The following RNF14 variants were observed in gnomAD, a reference collection of about 807,000 sequenced individuals.
RNF14 encodes the protein ring finger protein 14.
Under a neutral mutation model 52.6 loss-of-function variants are expected in RNF14, and 26 were observed. The ratio of observed to expected loss-of-function variants is 0.49; its 90% confidence interval spans 0.36 to 0.69. RNF14 has a LOEUF of 0.69. RNF14 is among the 30% of genes least tolerant of loss of function. The pLI is 0.00. For missense variants in RNF14, 404 were observed against 560.4 expected (o/e 0.72, Z 2.82); for synonymous variants, 194 against 202.0 (o/e 0.96, Z 0.34).
intron 2 of RNF14, among the ~76,000 whole-genome samples, chr5:141,971,569 TTCTTTCTTTCTTTCTTTC>T (rs770315037): frequency 2.4e-4 from 1 of 4,170 alleles, no homozygotes; most frequent in African/African-American, 1.4e-3. Context: ...TTCTTTTTCT[TTCTTTCTTTCTTTCTTTC>T]TTTCTTTCTT....
chr5:141,965,724 C>T (rs1234293621), upstream of RNF14, among the ~76,000 whole-genome samples: 2 of 151,954 alleles, frequency 1.3e-5, no homozygotes, highest in East Asian at 3.9e-4. Flanking sequence ...AACCAAATAC[C>T]ACATATTCTC....
chr5:141,978,596 A>G lies in RNF14; in HGVS notation c.600A>G (p.Glu200=). The G allele has an allele frequency of 6.2e-7, 1 of 1,614,048 alleles. No homozygotes were observed. The highest frequency in any genetic ancestry group is 8.5e-7 in the Non-Finnish European group (1 of 1,179,922). Residue 200 remains glutamate (E), a synonymous_variant, in exon 5 of 9, where the codon GAA becomes GAG. Coordinates refer to ENST00000394520, the MANE Select transcript of RNF14 (RefSeq NM_004290.5). ...AATCACTGTCAAATCTGATCCAGGA[A>G]ATCTTGGACTTTGATCAAGCTCAGC... is the stretch of plus-strand genomic sequence containing the variant. ...DVESLSNLIQ[E]ILDFDQAQQI... is the part of the protein sequence containing the mutation.
At position 141,971,636 on chromosome 5, in the gene RNF14, CTTTTTTTTTTTTT is replaced by C. The variant is rs58804572; in HGVS notation, c.-7+769_-7+781del. Among the ~76,000 whole-genome samples the C allele has an allele frequency of 1.7e-5, 2 of 117,126 alleles. 1 individual carries two copies. The highest frequency in any genetic ancestry group is 1.7e-4 in the Admixed American group (2 of 11,776). The allele number at this position is 117,126 out of a possible 152,430, so 76.8% of individuals were successfully genotyped here. A position where few individuals can be genotyped will look rare whatever the true frequency, so the allele number is the denominator to read the frequency against. ...CCTTTCTTTCTTCTTTCTTTCTTTC[CTTTTTTTTTTTTT>C]TTTTTTTTTGGAGACAGAGTCTGTC... On this transcript the variant is annotated intron_variant, in intron 2 of 8. Coordinates refer to ENST00000394520, the MANE Select transcript of RNF14 (RefSeq NM_004290.5).
the RNF14 span, among the ~76,000 whole-genome samples, chr5:141,950,032 A>G: frequency 1.3e-3 from 204 of 152,304 alleles, 1 homozygote; most frequent in Non-Finnish European, 2.2e-3. Context: ...TGCCTGTCTC[A>G]TTGCCTGCTC....
At chr5:141,970,146 C>T (rs1377602644) in intron 1 of RNF14, among the ~76,000 whole-genome samples, 1 of 152,134 alleles carries the variant, frequency 6.6e-6, no homozygotes, top group African/African-American at 2.4e-5. Context: ...TTCTCCGTAG[C>T]CCATCTATAG....
At chr5:141,954,696 C>T (rs577992191), upstream of RNF14, among the ~76,000 whole-genome samples, 1 of 152,190 alleles carries the variant, frequency 6.6e-6, no homozygotes, top group African/African-American at 2.4e-5. Flanking sequence ...ATCAAATCCT[C>T]TGGACAACTC....
the RNF14 span, among the ~76,000 whole-genome samples, chr5:141,950,244 C>T: frequency 6.6e-6 from 1 of 152,184 alleles, no homozygotes; most frequent in South Asian, 2.1e-4. Flanking sequence ...TGGTCCCTCT[C>T]TCCCATAGAC....
At chr5:141,971,052 C>T (rs1046663414) in intron 2 of RNF14, among the ~76,000 whole-genome samples, 175 bp downstream of exon 2, 2 of 152,090 alleles carry the variant, frequency 1.3e-5, no homozygotes, top group African/African-American at 4.8e-5. Context: ...TACTTATGTA[C>T]ATTTTAATTA....
the RNF14 span, chr5:141,949,615 G>A: frequency 6.2e-7 from 1 of 1,603,852 alleles, no homozygotes; most frequent in African/African-American, 1.3e-5. Flanking sequence ...CCATGGGTAG[G>A]GACATTCCCA....
In RNF14 at chr5:141,983,532, T is replaced by C. The variant is rs1428873389; in HGVS notation, c.1216T>C (p.Cys406Arg). 1 of 1,611,404 alleles carries C rather than the reference T, an allele frequency of 6.2e-7. No homozygotes were observed. Among genetic ancestry groups the C allele is most frequent in the African/African-American group, 1.3e-5 (1 of 74,786 alleles). ...AGAGAAGAACTCAAAGAGCTGCCCA[T>C]GTTGTGGAACTCCCATAGAGGTAAA... ...WLEKNSKSCP[C>R]CGTPIEKLDG... Residue 406 changes from cysteine (C) to arginine (R), a missense_variant, in exon 7 of 9, where the codon TGT (cysteine) becomes CGT (arginine). By Grantham distance (180) the Cys-to-Arg change is radical. Coordinates refer to ENST00000394520, the MANE Select transcript of RNF14 (RefSeq NM_004290.5).
chr5:141,978,396 AC>A lies in RNF14; in HGVS notation c.403del (p.Leu135Ter). ...FAWMQFLKEE[T>X]LAYLNIVSPF... ...CTGGATGCAATTTCTTAAGGAAGAG[AC>A]CCTAGCATACTTGAATATTGTCTCT... is the stretch of plus-strand genomic sequence containing the variant. On this transcript the variant is annotated frameshift_variant, in exon 5 of 9. Transcript: ENST00000394520. LOFTEE classifies it high-confidence loss of function. The A allele has an allele frequency of 6.2e-7, 1 of 1,614,096 alleles. No individual in the cohort carries two copies. The highest frequency in any genetic ancestry group is 1.1e-5 in the South Asian group (1 of 91,082).
upstream of RNF14, among the ~76,000 whole-genome samples, chr5:141,968,327 G>C (rs181789875): frequency 2.0e-5 from 3 of 151,988 alleles, no homozygotes; most frequent in African/African-American, 7.3e-5. Flanking sequence ...GGCTGGTCTC[G>C]ATCTCCTGAC....
In RNF14 at chr5:141,988,524, G is replaced by A. The variant is rs1309390176; in HGVS notation, c.*734G>A. 1 of 152,292 alleles carries A rather than the reference G, an allele frequency of 6.6e-6. No homozygotes were observed. Among genetic ancestry groups the A allele is most frequent in the Non-Finnish European group, 1.5e-5 (1 of 68,028 alleles). The allele number at this position is 152,292 out of a possible 1,614,324, so 9.4% of individuals were successfully genotyped here. A position where few individuals can be genotyped will look rare whatever the true frequency, so the allele number is the denominator to read the frequency against. On this transcript the variant is annotated 3_prime_UTR_variant, in exon 9 of 9. Transcript: ENST00000394520. ...CTCAGAAGAATTTAAGTTCTATTCA[G>A]CCTTCCTGGGTGTTAGAACCTAGAT...
At chr5:141,969,539 G>C (rs1753547736) in intron 1 of RNF14, 1 of 152,308 alleles carries the variant, frequency 6.6e-6, no homozygotes, top group African/African-American at 2.4e-5. Flanking sequence ...GCCTAGTGGC[G>C]AGCTGAACCC....
intron 2 of RNF14, 95 bp downstream of exon 2, chr5:141,970,972 G>T (rs868834978): frequency 1.3e-5 from 2 of 152,212 alleles, no homozygotes; most frequent in Non-Finnish European, 2.9e-5. Context: ...GAAAAAAAGT[G>T]TTTTTTGAAA....
intron 7 of RNF14, among the ~76,000 whole-genome samples, chr5:141,983,778 A>G (rs936109670): frequency 6.6e-6 from 1 of 152,126 alleles, no homozygotes; most frequent in Admixed American, 6.5e-5. Flanking sequence ...TTGTTCTCAC[A>G]TTGTATCCAC....
intron 3 of RNF14, among the ~76,000 whole-genome samples, chr5:141,974,233 C>G (rs1754046943): frequency 6.6e-6 from 1 of 152,234 alleles, no homozygotes; most frequent in Admixed American, 6.5e-5. Context: ...CACACTTTCT[C>G]AAAATGTTTC....
intron 1 of RNF14, 68 bp downstream of exon 1, chr5:141,969,235 G>A (rs748367138): frequency 6.5e-6 from 1 of 153,428 alleles, no homozygotes; most frequent in Non-Finnish European, 1.5e-5. Flanking sequence ...CGGCCGGAAG[G>A]TACGGTGGGG....
the RNF14 span, among the ~76,000 whole-genome samples, chr5:141,952,009 T>G: frequency 6.6e-6 from 1 of 152,260 alleles, no homozygotes; most frequent in Admixed American, 6.5e-5. Context: ...GTTGACCAGA[T>G]GTAAGACTAT....
Sources: gnomAD v4.1 joint callset for allele counts (sites outside exome capture counted in the v4.1 genomes callset) on GRCh38, gnomAD v4.1.1 for gene constraint, MANE v1.5 for transcripts, NCBI Gene and HGNC (gene_info 2026-07-23, HGNC 2026-07-21) for gene names.